The following DCHS2 variants were observed in gnomAD, a reference collection of about 807,000 sequenced individuals.
The protein encoded by DCHS2 is dachsous cadherin-related 2.
DCHS2 carries 142 observed loss-of-function variants against 182.4 expected under a neutral mutation model. The observed-to-expected ratio is 0.78, with a 90% CI of 0.68 to 0.89. The LOEUF (loss-of-function observed/expected upper bound fraction) is 0.89, where lower values mean the gene tolerates loss of function less well. Among genes scored for constraint, DCHS2 ranks in the 40% least tolerant of loss-of-function variants. The pLI is 0.00. For missense variants in DCHS2, 4,319 were observed against 4,198.6 expected (o/e 1.03, Z -0.79); for synonymous variants, 1,740 against 1,663.3 (o/e 1.05, Z -1.12).
chr4:154,488,561 C>T (rs1007308894), intron 1 of DCHS2, among the ~76,000 whole-genome samples: 5 of 151,518 alleles, frequency 3.3e-5, no homozygotes, highest in Admixed American at 2.0e-4. Flanking sequence ...AACTCACTTA[C>T]GAGAACTACC....
chr4:154,478,218 A>G (rs931078019), intron 1 of DCHS2, among the ~76,000 whole-genome samples: 4 of 152,220 alleles, frequency 2.6e-5, no homozygotes, highest in Non-Finnish European at 4.4e-5. Context: ...TTATTTTCAA[A>G]GGACTCTTAC....
Position 154,321,206 on chromosome 4 carries a change from T to C in DCHS2, c.4193A>G (p.Lys1398Arg), listed in dbSNP as rs1217696006. Residue 1398 changes from lysine (K) to arginine (R), a missense_variant, in exon 9 of 20, where the codon AAA (lysine) becomes AGA (arginine). By Grantham distance (26) the Lys-to-Arg change is conservative. Transcript: ENST00000357232. ...VVNIQVIPLS[K>R]GRAIMSQNIR... ...ATTCTGAGACATGATTGCTCTCCCT[T>C]TGGATAGTGGGATCACCTGAAATAC... is the stretch of plus-strand genomic sequence containing the variant. 1 of 1,538,046 alleles carries C rather than the reference T, an allele frequency of 6.5e-7. No individual in the cohort carries two copies.
chr4:154,343,728 A>C, intron 3 of DCHS2: 1 of 1,220,432 alleles, frequency 8.2e-7, no homozygotes, highest in Non-Finnish European at 1.0e-6. Context: ...ATCTATCCAG[A>C]CCACTCAAAC....
At chr4:154,266,839 G>T (rs1176813584) in intron 14 of DCHS2, among the ~76,000 whole-genome samples, 1 of 152,130 alleles carries the variant, frequency 6.6e-6, no homozygotes, top group East Asian at 1.9e-4. Context: ...TGTCTACATT[G>T]TTCGTTCTGC....
At chr4:154,331,533 T>C in intron 5 of DCHS2, 1 of 1,551,084 alleles carries the variant, frequency 6.4e-7, no homozygotes, top group Non-Finnish European at 8.7e-7. Context: ...GCAACCTTCT[T>C]GGCAAGCCAT....
At chr4:154,417,900 A>G (rs144143870) in intron 1 of DCHS2, among the ~76,000 whole-genome samples, 2,844 of 152,272 alleles carry the variant, frequency 0.019, 89 homozygotes, top group Non-Finnish European at 0.018. Flanking sequence ...AAATTTCTCA[A>G]TGTTAAGCTT....
chr4:154,490,961 T>A lies in DCHS2; in HGVS notation c.395A>T (p.Asp132Val). The A allele has an allele frequency of 3.9e-6, 6 of 1,550,328 alleles. No homozygotes were observed. The highest frequency in any genetic ancestry group is 5.2e-6 in the Non-Finnish European group (6 of 1,146,276). Residue 132 changes from aspartate to valine, a missense_variant, in exon 1 of 20, where the codon GAC becomes GTC. Physicochemically the swap from Asp to Val is radical, Grantham distance 152. Transcript: ENST00000357232. ...GCTGTAGTGGTCCCGCCGCTCGCGG[T>A]CCAGGCGCCGCGCAGTGCGGATGAT... ...TGIIRTARRLDRERRDHYSFV... is the reference protein window; with the variant it reads ...TGIIRTARRLVRERRDHYSFV...
At chr4:154,489,074 C>G (rs1219127370) in intron 1 of DCHS2, among the ~76,000 whole-genome samples, 3 of 151,866 alleles carry the variant, frequency 2.0e-5, no homozygotes, top group Non-Finnish European at 4.4e-5. Flanking sequence ...AAATCAAGAT[C>G]TAAAAGTCAA....
chr4:154,381,299 T>C (rs1731155760), intron 1 of DCHS2, among the ~76,000 whole-genome samples: 1 of 152,098 alleles, frequency 6.6e-6, no homozygotes, highest in Non-Finnish European at 1.5e-5. Context: ...GGAAACATTA[T>C]AAAAATGCAA....
chr4:154,257,223 G>A (rs1391566435), intron 15 of DCHS2, among the ~76,000 whole-genome samples: 2 of 152,182 alleles, frequency 1.3e-5, no homozygotes, highest in East Asian at 3.9e-4. Flanking sequence ...ACTCCAGCCT[G>A]GCGACAGAGC....
chr4:154,439,199 C>T (rs1560758964), intron 1 of DCHS2, among the ~76,000 whole-genome samples: 1 of 152,172 alleles, frequency 6.6e-6, no homozygotes, highest in African/African-American at 2.4e-5. Flanking sequence ...CTTCACCAAA[C>T]ATACATATAC....
intron 13 of DCHS2, among the ~76,000 whole-genome samples, chr4:154,277,463 T>C (rs959278413): frequency 2.6e-5 from 4 of 152,164 alleles, no homozygotes; most frequent in African/African-American, 9.6e-5. Context: ...CAAACCTCTC[T>C]AATTGGGTAG....
rs778259614 is a variant in DCHS2 at position 154,259,795 on chromosome 4, T to A, written c.6578-39A>T. The A allele has an allele frequency of 1.2e-5, 19 of 1,542,370 alleles. No homozygotes were observed. The South Asian group carries it at 2.4e-4, about 19-fold the overall frequency. Reference sequence around the variant, plus strand: ...CAAGGAGAAAAAAAAGAAAATGATGTTGTAGTTATTCTTTTATTTTTTATT... The same window carrying A: ...CAAGGAGAAAAAAAAGAAAATGATGATGTAGTTATTCTTTTATTTTTTATT... On this transcript the variant is annotated intron_variant, in intron 14 of 19. Coordinates refer to ENST00000357232, the MANE Select transcript of DCHS2 (RefSeq NM_001358235.2).
At chr4:154,371,556 G>A (rs778351754) in intron 2 of DCHS2, among the ~76,000 whole-genome samples, 1 of 152,170 alleles carries the variant, frequency 6.6e-6, no homozygotes, top group Non-Finnish European at 1.5e-5. Context: ...GCAGGTAGGT[G>A]TATTAGTCCA....
intron 3 of DCHS2, among the ~76,000 whole-genome samples, chr4:154,337,700 ATCT>A (rs1452293383): frequency 2.0e-5 from 3 of 151,790 alleles, no homozygotes; most frequent in Non-Finnish European, 4.4e-5. Flanking sequence ...CAACTTCTTC[ATCT>A]TCTTTGATGT....
intron 1 of DCHS2, among the ~76,000 whole-genome samples, chr4:154,455,379 G>A (rs1579099220): frequency 6.6e-6 from 1 of 152,208 alleles, no homozygotes; most frequent in Admixed American, 6.5e-5. Flanking sequence ...GAAGAGATGG[G>A]AATGGAAAAA....
At chr4:154,361,328 T>C (rs536566590) in intron 3 of DCHS2, among the ~76,000 whole-genome samples, 1 of 151,918 alleles carries the variant, frequency 6.6e-6, no homozygotes, top group African/African-American at 2.4e-5. Flanking sequence ...GAATCTAAAA[T>C]AAAAGTTGAA....
chr4:154,434,302 G>T (rs1733684095), intron 1 of DCHS2, among the ~76,000 whole-genome samples: 2 of 152,248 alleles, frequency 1.3e-5, no homozygotes, highest in Admixed American at 1.3e-4. Flanking sequence ...TGCACCTATA[G>T]CCCCAGCTCC....
chr4:154,373,900 A>G (rs1730760034), intron 2 of DCHS2: 1 of 1,591,740 alleles, frequency 6.3e-7, no homozygotes, highest in East Asian at 2.3e-5. Flanking sequence ...CTCAGATTAT[A>G]GAAACATCAT....
Sources: gnomAD v4.1 joint callset for allele counts (sites outside exome capture counted in the v4.1 genomes callset) on GRCh38, gnomAD v4.1.1 for gene constraint, MANE v1.5 for transcripts, NCBI Gene and HGNC (gene_info 2026-07-23, HGNC 2026-07-21) for gene names.